The following GRIK1 variants were observed in gnomAD, a reference collection of about 807,000 sequenced individuals.
GRIK1 encodes the protein glutamate ionotropic receptor kainate type subunit 1.
GRIK1 carries 69 observed loss-of-function variants against 105.7 expected under a neutral mutation model. That is an observed-to-expected ratio of 0.65 (90% CI 0.54 to 0.80). The LOEUF (loss-of-function observed/expected upper bound fraction) is 0.80, where lower values mean the gene tolerates loss of function less well. GRIK1 is among the 30% of genes least tolerant of loss of function. The pLI is 0.00. For missense variants in GRIK1, 1,109 were observed against 1,167.3 expected, an observed-to-expected ratio of 0.95 and a Z score of 0.73; for synonymous variants, 438 against 431.3, an observed-to-expected ratio of 1.02 and a Z score of -0.19.
chr21:29,610,488 T>C (rs1036279211), intron 7 of GRIK1, among the ~76,000 whole-genome samples: 2 of 151,844 alleles, frequency 1.3e-5, no homozygotes, highest in African/African-American at 4.8e-5. Context: ...GACTGAAAAA[T>C]TGAAAGATGC....
At chr21:29,553,332 C>T (rs1276622427) in intron 16 of GRIK1, 3 of 1,146,472 alleles carry the variant, frequency 2.6e-6, no homozygotes, top group Non-Finnish European at 3.2e-6. Context: ...CCTGTAAATA[C>T]ACATTTCTAG....
intron 7 of GRIK1, among the ~76,000 whole-genome samples, chr21:29,620,063 T>C (rs1244616100): frequency 6.6e-6 from 1 of 152,238 alleles, no homozygotes; most frequent in Non-Finnish European, 1.5e-5. Flanking sequence ...AGATGCTGTG[T>C]CATCTGCAAA....
intron 4 of GRIK1, among the ~76,000 whole-genome samples, chr21:29,659,961 T>TCAAAA (rs917980096): frequency 5.3e-5 from 8 of 151,934 alleles, no homozygotes; most frequent in African/African-American, 1.4e-4. Context: ...AAACTCTGTT[T>TCAAAA]CAAAACAAAA....
intron 1 of GRIK1, among the ~76,000 whole-genome samples, chr21:29,720,636 G>C (rs1211839938): frequency 6.6e-6 from 1 of 152,030 alleles, no homozygotes; most frequent in African/African-American, 2.4e-5. Flanking sequence ...TGGAGCTTCG[G>C]TTTACAGCAG....
At position 29,759,564 on chromosome 21, in the gene GRIK1, C is replaced by T. The variant is rs149331393; in HGVS notation, c.119-65501G>A. 5.8e-4 allele frequency among the ~76,000 whole-genome samples: 88 copies of T among 152,288 alleles called. 1 individual carries two copies. The East Asian group carries it at 0.016, about 28-fold the overall frequency. ...TAAGTCTTTGGAATCATAGATTATA[C>T]TATCAGCAGATAAACTTGACAGATG... is the stretch of plus-strand genomic sequence containing the variant. On this transcript the variant is annotated intron_variant, in intron 1 of 17. Transcript: ENST00000327783.
At chr21:29,914,870 T>C (rs1345324224) in intron 1 of GRIK1, among the ~76,000 whole-genome samples, 1 of 152,104 alleles carries the variant, frequency 6.6e-6, no homozygotes, top group East Asian at 1.9e-4. Context: ...GGGTGTTCTT[T>C]GTTACGGGAG....
chr21:29,833,439 A>G (rs1402775730), intron 1 of GRIK1, among the ~76,000 whole-genome samples: 1 of 152,136 alleles, frequency 6.6e-6, no homozygotes. Context: ...TGGGTAACCT[A>G]TAAAGAAAAG....
intron 1 of GRIK1, among the ~76,000 whole-genome samples, chr21:29,823,723 A>G (rs2067368405): frequency 6.6e-6 from 1 of 151,966 alleles, no homozygotes; most frequent in Non-Finnish European, 1.5e-5. Context: ...GATATCTTTT[A>G]TCTCTCTGTA....
chr21:29,742,135 C>T (rs906413053), intron 1 of GRIK1, among the ~76,000 whole-genome samples: 15 of 152,162 alleles, frequency 9.9e-5, no homozygotes, highest in African/African-American at 3.4e-4. Context: ...TCTGCAAAGT[C>T]TTTGGATGCA....
chr21:29,734,854 G>A lies in GRIK1; in HGVS notation c.119-40791C>T, dbSNP rs931896002. ...TTGCTCTCATCTGTTTTGCCTTCTT[G>A]GGATTCTTCTCACACATCAGAGAAC... On this transcript the variant is annotated intron_variant, in intron 1 of 17. Coordinates refer to ENST00000327783, the MANE Select transcript of GRIK1 (RefSeq NM_001330994.2). 2.0e-5 allele frequency among the ~76,000 whole-genome samples: 3 copies of A among 152,148 alleles called. No homozygotes were observed. The South Asian group carries it at 6.2e-4, about 32-fold the overall frequency.
intron 4 of GRIK1, among the ~76,000 whole-genome samples, chr21:29,671,187 AT>A (rs2063153152): frequency 6.6e-6 from 1 of 152,042 alleles, no homozygotes; most frequent in African/African-American, 2.4e-5. Flanking sequence ...CAGTGGCATA[AT>A]CTTGGCTCGC....
intron 1 of GRIK1, among the ~76,000 whole-genome samples, chr21:29,829,452 C>G (rs551062905): frequency 6.6e-6 from 1 of 152,054 alleles, no homozygotes; most frequent in Admixed American, 6.6e-5. Context: ...TGTTATACTC[C>G]GTGGATCCTC....
chr21:29,788,883 G>A (rs531308822), intron 1 of GRIK1, among the ~76,000 whole-genome samples: 1 of 152,182 alleles, frequency 6.6e-6, no homozygotes, highest in African/African-American at 2.4e-5. Context: ...AGGAGGCAGA[G>A]CTCAGGTGGT....
intron 1 of GRIK1, among the ~76,000 whole-genome samples, chr21:29,777,592 G>A (rs748831677): frequency 6.6e-6 from 1 of 152,180 alleles, no homozygotes; most frequent in East Asian, 1.9e-4. Context: ...AGCATAGAGT[G>A]TTAAGGACAT....
intron 1 of GRIK1, among the ~76,000 whole-genome samples, chr21:29,868,006 A>G (rs1253424535): frequency 7.1e-6 from 1 of 141,564 alleles, no homozygotes; most frequent in Non-Finnish European, 1.5e-5. Flanking sequence ...AGAGAAAGAA[A>G]GAAAGAAAAG....
chr21:29,687,815 T>C (rs2063512649), intron 3 of GRIK1, among the ~76,000 whole-genome samples: 4 of 152,238 alleles, frequency 2.6e-5, no homozygotes, highest in Admixed American at 2.6e-4. Context: ...AAATCTACAA[T>C]GCCTACGTCT....
chr21:29,620,793 C>CTATATATATA (rs1421896438), intron 7 of GRIK1, among the ~76,000 whole-genome samples: 2 of 121,536 alleles, frequency 1.6e-5, no homozygotes, highest in Non-Finnish European at 3.2e-5. Context: ...ATATATATAT[C>CTATATATATA]TATATATATA....
At chr21:29,925,627 A>C (rs909397705) in intron 1 of GRIK1, among the ~76,000 whole-genome samples, 2 of 152,226 alleles carry the variant, frequency 1.3e-5, no homozygotes, top group African/African-American at 2.4e-5. Flanking sequence ...CATGAAACAA[A>C]AGGCAGGTCA....
intron 1 of GRIK1, among the ~76,000 whole-genome samples, chr21:29,924,537 T>C (rs1239398211): frequency 6.6e-6 from 1 of 152,076 alleles, no homozygotes; most frequent in Non-Finnish European, 1.5e-5. Context: ...GAACACATTA[T>C]TGGTTTACAG....
Sources: allele counts gnomAD v4.1 joint callset (sites outside exome capture counted in the v4.1 genomes callset), GRCh38; gene constraint gnomAD v4.1.1; transcripts MANE v1.5; gene names NCBI Gene and HGNC (gene_info 2026-07-23, HGNC 2026-07-21).